DMD: variants seen among roughly 807,000 people sequenced by gnomAD.
The protein encoded by DMD is mutant dystrophin.
A neutral mutation model predicts 330.1 loss-of-function variants in DMD; 63 were observed. That is an observed-to-expected ratio of 0.19 (90% confidence interval 0.16 to 0.24). DMD has a LOEUF of 0.24. Among genes scored for constraint, DMD ranks in the 10% least tolerant of loss-of-function variants. DMD has a pLI of 1.00. For missense variants in DMD, 3,344 were observed against 2,684.1 expected (o/e 1.25, Z -5.43); for synonymous variants, 1,223 against 959.8 (o/e 1.27, Z -5.07).
At chrX:32,702,381 G>A (rs2064214933) in intron 7 of DMD, among the ~76,000 whole-genome samples, 1 of 111,290 alleles carries the variant, frequency 9.0e-6, no homozygotes, top group Non-Finnish European at 1.9e-5. Context: ...AAGAGTATTC[G>A]GGGCAGTGGG....
chrX:33,003,658 G>A (rs2093336297), intron 2 of DMD, among the ~76,000 whole-genome samples: 1 of 110,545 alleles, frequency 9.0e-6, no homozygotes, highest in Non-Finnish European at 1.9e-5. Flanking sequence ...TTAGATGATA[G>A]GTTTGTTCTT....
At chrX:31,891,342 G>C (rs2094247096) in intron 47 of DMD, among the ~76,000 whole-genome samples, 1 of 111,402 alleles carries the variant, frequency 9.0e-6, no homozygotes. Flanking sequence ...AAAAATACTT[G>C]ATTTCTCTGG....
chrX:31,922,602 T>A (rs1042655279), intron 47 of DMD, among the ~76,000 whole-genome samples: 1 of 110,232 alleles, frequency 9.1e-6, no homozygotes, highest in African/African-American at 3.3e-5. Flanking sequence ...TCTGACACTA[T>A]CTCTGGGTGG....
chrX:32,894,625 G>T (rs1285903730), intron 2 of DMD, among the ~76,000 whole-genome samples: 2 of 112,668 alleles, frequency 1.8e-5, no homozygotes, highest in South Asian at 7.3e-4. Context: ...ATGCACTTGG[G>T]GCTCAGATGT....
chrX:31,442,390 C>T (rs1049292059), intron 60 of DMD, among the ~76,000 whole-genome samples: 4 of 111,416 alleles, frequency 3.6e-5, no homozygotes, highest in South Asian at 7.6e-4. Context: ...ATGCTCTTTT[C>T]GCTATATCAT....
chrX:31,339,644 C>T (rs1038124658), intron 61 of DMD, among the ~76,000 whole-genome samples: 4 of 111,908 alleles, frequency 3.6e-5, no homozygotes, highest in African/African-American at 6.5e-5. Context: ...GGCGCAATCT[C>T]GGCTCACTGC....
chrX:32,792,889 C>A (rs1281173824), intron 7 of DMD, among the ~76,000 whole-genome samples: 3 of 112,067 alleles, frequency 2.7e-5, no homozygotes, highest in African/African-American at 9.7e-5. Context: ...CCACTCTCAG[C>A]ATTAGATCAC....
rs894686917 is a variant in DMD, at chrX:33,138,207, A to T, written c.31+73075T>A. Reference sequence around the variant, plus strand: ...TTGAGTCTGTCCTTTTAACCAAAATATTCTTAAACATCTGTCTATATTGTC... The same window carrying T: ...TTGAGTCTGTCCTTTTAACCAAAATTTTCTTAAACATCTGTCTATATTGTC... On this transcript the variant is annotated intron_variant, in intron 1 of 78. Coordinates refer to ENST00000357033, the MANE Select transcript of DMD (RefSeq NM_004006.3). Among the ~76,000 whole-genome samples, 6 of 112,158 alleles carry T rather than the reference A, an allele frequency of 5.3e-5. No individual in the cohort carries two copies. The East Asian group carries it at 1.7e-3, about 31-fold the overall frequency.
At chrX:31,691,705 T>G (rs1038899485) in intron 52 of DMD, among the ~76,000 whole-genome samples, 1 of 111,991 alleles carries the variant, frequency 8.9e-6, no homozygotes, top group African/African-American at 3.2e-5. Context: ...AGAACATCAT[T>G]ATATATTGAT....
At chrX:31,827,514 C>A (rs931250356) in intron 49 of DMD, among the ~76,000 whole-genome samples, 2 of 111,603 alleles carry the variant, frequency 1.8e-5, no homozygotes, top group African/African-American at 6.5e-5. Context: ...CTAGACAGGT[C>A]ACTGAAACAA....
At chrX:32,146,045 T>C (rs1200355044) in intron 44 of DMD, among the ~76,000 whole-genome samples, 2 of 111,598 alleles carry the variant, frequency 1.8e-5, no homozygotes, top group Non-Finnish European at 3.8e-5. Flanking sequence ...GAAATTGCTT[T>C]GTAAGTTTTA....
chrX:31,602,364 T>C (rs28597824), intron 55 of DMD, among the ~76,000 whole-genome samples: 14,263 of 107,577 alleles, frequency 0.13, 843 homozygotes, highest in Middle Eastern at 0.23. Context: ...TTCTAATACA[T>C]CTGCTAGCCA....
intron 44 of DMD, among the ~76,000 whole-genome samples, chrX:32,012,465 G>A (rs928524604): frequency 1.8e-5 from 2 of 111,494 alleles, no homozygotes; most frequent in Non-Finnish European, 3.8e-5. Context: ...GCATTTACCC[G>A]GCTGCTACTG....
rs186576888 is a variant in DMD at position 33,132,617 on chromosome X, A to T, written c.31+78665T>A. 1.2e-4 allele frequency among the ~76,000 whole-genome samples: 13 copies of T among 112,512 alleles called. No homozygotes were observed. In the East Asian group the frequency reaches 3.6e-3, roughly 32 times the overall value. The stretch of plus-strand genomic sequence containing the variant: ...GGGATTTCAGTTGGAAGGCATTGGG[A>T]ACTAATTTTATGACCTAGGGCAAGG... On this transcript the variant is annotated intron_variant, in intron 1 of 78. Coordinates refer to ENST00000357033, the MANE Select transcript of DMD (RefSeq NM_004006.3).
chrX:31,246,313 A>G (rs1297394825), intron 63 of DMD, among the ~76,000 whole-genome samples: 1 of 112,446 alleles, frequency 8.9e-6, no homozygotes, highest in Non-Finnish European at 1.9e-5. Context: ...AAGCTTAAGG[A>G]AACAAGCCAT....
intron 2 of DMD, among the ~76,000 whole-genome samples, chrX:32,972,628 A>G (rs2092423733): frequency 8.9e-6 from 1 of 112,474 alleles, no homozygotes; most frequent in African/African-American, 3.2e-5. Flanking sequence ...GTAATATGCC[A>G]GTATTCACAT....
chrX:31,995,218 G>C (rs1454912786), intron 44 of DMD, among the ~76,000 whole-genome samples: 1 of 111,875 alleles, frequency 8.9e-6, no homozygotes, highest in Non-Finnish European at 1.9e-5. Flanking sequence ...AAAAGGGCAA[G>C]AGGTAGTAAA....
chrX:32,075,410 C>T lies in DMD; in HGVS notation c.6439-106896G>A, dbSNP rs775470682. ...GCACACAAACACAGAAACACATTTT[C>T]GTGCTTTCACTATAGTTACTTATGG... On this transcript the variant is annotated intron_variant, in intron 44 of 78. Coordinates refer to ENST00000357033, the MANE Select transcript of DMD (RefSeq NM_004006.3). Among the ~76,000 whole-genome samples the T allele has an allele frequency of 5.4e-5, 6 of 111,893 alleles. No individual in the cohort carries two copies. In the Admixed American group the frequency reaches 5.7e-4, roughly 11 times the overall value.
intron 1 of DMD, among the ~76,000 whole-genome samples, chrX:33,110,790 C>G (rs1603296301): frequency 1.8e-5 from 2 of 111,074 alleles, no homozygotes; most frequent in African/African-American, 3.3e-5. Context: ...TAGTACAGAA[C>G]AGAACCATGG....
Sources: gnomAD v4.1 joint callset for allele counts (sites outside exome capture counted in the v4.1 genomes callset) on GRCh38, gnomAD v4.1.1 for gene constraint, MANE v1.5 for transcripts, NCBI Gene and HGNC (gene_info 2026-07-23, HGNC 2026-07-21) for gene names.